The following PTPRF variants were observed in gnomAD, a reference collection of about 807,000 sequenced individuals.
PTPRF encodes the protein receptor-type tyrosine-protein phosphatase F.
A neutral mutation model predicts 201.8 loss-of-function variants in PTPRF; 59 were observed. The observed-to-expected ratio is 0.29, with a 90% confidence interval of 0.24 to 0.36. PTPRF has a LOEUF of 0.36. Ranked by LOEUF, PTPRF falls within the 10% of genes least tolerant of loss-of-function variation. The pLI is 1.00. For missense variants in PTPRF, 2,132 were observed against 2,690.5 expected (o/e 0.79, Z 4.59); for synonymous variants, 1,088 against 1,089.7 (o/e 1.00, Z 0.03).
intron 22 of PTPRF, chr1:43,612,764 G>T: frequency 7.3e-7 from 1 of 1,365,356 alleles, no homozygotes; most frequent in Non-Finnish European, 9.8e-7. Context: ...TTTTTTCTCT[G>T]CAGGTTCCAG....
At chr1:43,555,369 T>G (rs1645293132) in intron 5 of PTPRF, among the ~76,000 whole-genome samples, 1 of 151,812 alleles carries the variant, frequency 6.6e-6, no homozygotes, top group Admixed American at 6.6e-5. Context: ...ATTTGTAGAC[T>G]GCTTTAAAAA....
At chr1:43,557,734 T>G (rs917351531) in intron 5 of PTPRF, among the ~76,000 whole-genome samples, 26 of 152,038 alleles carry the variant, frequency 1.7e-4, no homozygotes, top group Admixed American at 8.5e-4. Context: ...GAGAAGTGTC[T>G]GATGAGGCTG....
chr1:43,597,681 A>T, intron 11 of PTPRF, 67 bp from the exon 12 acceptor site: 1 of 1,144,310 alleles, frequency 8.7e-7, no homozygotes, highest in Non-Finnish European at 1.3e-6. Context: ...GTCCACTGTG[A>T]CTCAGTCATT....
intron 33 of PTPRF, 127 bp downstream of exon 33, chr1:43,621,359 T>C: frequency 7.8e-7 from 1 of 1,276,374 alleles, no homozygotes; most frequent in Non-Finnish European, 1.1e-6. Context: ...TCACGTGGCC[T>C]GCGATAGGCA....
chr1:43,592,405 G>A (rs1202458498), intron 10 of PTPRF, 52 bp from the exon 11 acceptor site: 5 of 1,562,042 alleles, frequency 3.2e-6, no homozygotes, highest in Non-Finnish European at 4.3e-6. Context: ...GGAACAACCT[G>A]TGAGTGACTT....
upstream of PTPRF, among the ~76,000 whole-genome samples, chr1:43,529,554 T>A (rs755671789): frequency 2.6e-5 from 4 of 152,132 alleles, no homozygotes; most frequent in Non-Finnish European, 5.9e-5. Context: ...ACCTCATCTC[T>A]TTTTCTGCTC....
At chr1:43,556,905 C>T (rs752276601) in intron 5 of PTPRF, among the ~76,000 whole-genome samples, 2 of 152,222 alleles carry the variant, frequency 1.3e-5, no homozygotes, top group South Asian at 2.1e-4. Context: ...CCTGCTCCCA[C>T]GGGGGGACAT....
intron 7 of PTPRF, among the ~76,000 whole-genome samples, chr1:43,583,404 C>T (rs996383860): frequency 6.6e-6 from 1 of 152,224 alleles, no homozygotes; most frequent in Non-Finnish European, 1.5e-5. Context: ...TGCACCCAGG[C>T]CGGGCCAGCT....
chr1:43,593,154 T>C (rs1651304196), intron 11 of PTPRF, among the ~76,000 whole-genome samples: 1 of 152,106 alleles, frequency 6.6e-6, no homozygotes, highest in Non-Finnish European at 1.5e-5. Context: ...CCTTGAATTG[T>C]GACCACGTGG....
At chr1:43,575,198 A>G (rs943026199) in intron 6 of PTPRF, among the ~76,000 whole-genome samples, 6 of 152,202 alleles carry the variant, frequency 3.9e-5, no homozygotes, top group Non-Finnish European at 8.8e-5. Flanking sequence ...ATGGAGGGTG[A>G]ACGCCTGGCC....
intron 5 of PTPRF, among the ~76,000 whole-genome samples, chr1:43,562,150 C>G (rs1417959806): frequency 6.6e-6 from 1 of 152,026 alleles, no homozygotes; most frequent in Non-Finnish European, 1.5e-5. Flanking sequence ...ACTCTGTGGC[C>G]CAGACTGGAG....
Position 43,578,798 on chromosome 1 carries a change from G to T in PTPRF, c.569-12G>T. 2.5e-6 allele frequency: 4 copies of T among 1,607,910 alleles called. No homozygotes were observed. The highest frequency in any genetic ancestry group is 3.4e-6 in the Non-Finnish European group (4 of 1,175,250). ...TGGGCCGTGCCTGACCTCTCGCTTC[G>T]TGTACCCACAGGTGCCTTGCAGATA... On this transcript the variant is annotated splice_polypyrimidine_tract_variant and intron_variant, in intron 6 of 33. Transcript: ENST00000359947.
chr1:43,531,297 C>T (rs1377324987), intron 1 of PTPRF, among the ~76,000 whole-genome samples: 2 of 148,920 alleles, frequency 1.3e-5, no homozygotes, highest in Non-Finnish European at 3.0e-5. Flanking sequence ...GGCTCCTCCC[C>T]GCTCACCCCG....
At chr1:43,550,127 CT>C (rs1245111957) in intron 3 of PTPRF, among the ~76,000 whole-genome samples, 26 of 138,374 alleles carry the variant, frequency 1.9e-4, no homozygotes, top group African/African-American at 6.3e-4. Flanking sequence ...CCCGGGCTGC[CT>C]TGGGCCAGCT....
At chr1:43,610,320 G>A (rs949163723) in intron 22 of PTPRF, among the ~76,000 whole-genome samples, 2 of 152,204 alleles carry the variant, frequency 1.3e-5, no homozygotes, top group African/African-American at 4.8e-5. Context: ...TACACACAGG[G>A]TTTGTGTATG....
chr1:43,594,635 G>C (rs1446800375), intron 11 of PTPRF, among the ~76,000 whole-genome samples: 1 of 152,182 alleles, frequency 6.6e-6, no homozygotes, highest in Non-Finnish European at 1.5e-5. Context: ...CAGGGATGCT[G>C]ACTGGTCAGA....
At chr1:43,575,807 C>T (rs1006428606) in intron 6 of PTPRF, 2 of 1,097,676 alleles carry the variant, frequency 1.8e-6, no homozygotes, top group Admixed American at 2.3e-5. Flanking sequence ...ATTTAAGGCC[C>T]TTTCTTGTGT....
At position 43,597,937 on chromosome 1, in the gene PTPRF, G is replaced by A; in HGVS notation, c.2003G>A (p.Ser668Asn). The A allele has an allele frequency of 6.3e-7, 1 of 1,587,320 alleles. No homozygotes were observed. The highest frequency in any genetic ancestry group is 8.6e-7 in the Non-Finnish European group (1 of 1,166,716). ...VVDGISREHS[S>N]WDLVGLEKWT... is the part of the protein sequence containing the mutation. ...GATGGCATCAGCCGTGAGCACTCCA[G>A]CTGGGACCTGGTGGGCCTGGAGAAG... The change falls in exon 12 of 34, where the codon AGC (serine) becomes AAC (asparagine). Residue 668 changes from serine (S) to asparagine (N), a missense_variant. Physicochemically the swap from Ser to Asn is conservative, Grantham distance 46. This residue lies in a region of PTPRF where 125 missense variants were observed against 211.9 expected (regional missense o/e 0.59). Coordinates refer to ENST00000359947, the MANE Select transcript of PTPRF (RefSeq NM_002840.5).
At chr1:43,587,162 T>C (rs1290915089) in intron 7 of PTPRF, among the ~76,000 whole-genome samples, 5 of 152,144 alleles carry the variant, frequency 3.3e-5, no homozygotes, top group Admixed American at 3.3e-4. Flanking sequence ...GTAGGGTCTC[T>C]TGGGCTGGGC....
Sources: gnomAD v4.1 joint callset for allele counts (sites outside exome capture counted in the v4.1 genomes callset) on GRCh38, gnomAD v4.1.1 for gene constraint, gnomAD v4.1.1 regional missense constraint, MANE v1.5 for transcripts, NCBI Gene and HGNC (gene_info 2026-07-23, HGNC 2026-07-21) for gene names.